Variants in TMC6 observed in about 807,000 individuals in gnomAD.
The protein encoded by TMC6 is transmembrane channel-like protein 6.
Under a neutral mutation model 95.4 loss-of-function variants are expected in TMC6, and 71 were observed. The observed-to-expected ratio is 0.74, with a 90% confidence interval of 0.61 to 0.91. The LOEUF (loss-of-function observed/expected upper bound fraction) is 0.91. TMC6 is among the 40% of genes least tolerant of loss of function. The pLI is 0.00. For missense variants in TMC6, 1,074 were observed against 1,079.1 expected, an observed-to-expected ratio of 1.00 and a Z score of 0.07; for synonymous variants, 514 against 483.1, an observed-to-expected ratio of 1.06 and a Z score of -0.84.
chr17:78,118,053 C>T lies in TMC6; in HGVS notation c.1888-118G>A, dbSNP rs932436434. 15 of 1,488,368 alleles carry T rather than the reference C, an allele frequency of 1.0e-5. No homozygotes were observed. In the South Asian group the frequency reaches 1.2e-4, roughly 12 times the overall value. 92.2% of individuals were successfully genotyped at this position (1,488,368 alleles called of 1,614,324 possible). ...CTGTGCGTCCAGGCAGAGCCTGGAC[C>T]CTGCTCCCTGCAGCCTCCTCATTTA... On this transcript the variant is annotated intron_variant, in intron 15 of 19. Transcript: ENST00000590602.
Position 78,111,469 on chromosome 17 carries a change from G to A in TMC6, c.*1679C>T, listed in dbSNP as rs2073823511. On this transcript the variant is annotated 3_prime_UTR_variant, in exon 20 of 20. Coordinates refer to ENST00000590602, the MANE Select transcript of TMC6 (RefSeq NM_001127198.5). ...CACAGATAGGGGCTGGAAACCCTAC[G>A]TCGGTCCCTGTGGACTGTCACGTCA... is the stretch of plus-strand genomic sequence containing the variant. 1.3e-5 allele frequency: 2 copies of A among 152,488 alleles called. No homozygotes were observed. The highest frequency in any genetic ancestry group is 6.5e-5 in the Admixed American group (1 of 15,310). 9.4% of individuals were successfully genotyped at this position (152,488 alleles called of 1,614,324 possible). A position where few individuals can be genotyped will look rare whatever the true frequency, so the allele number is the denominator to read the frequency against.
At chr17:78,127,529 G>A (rs1001259870) in intron 1 of TMC6, among the ~76,000 whole-genome samples, 1 of 152,192 alleles carries the variant, frequency 6.6e-6, no homozygotes, top group African/African-American at 2.4e-5. Context: ...GGGTGGCCAG[G>A]ACCTCAACAG....
intron 4 of TMC6, 61 bp downstream of exon 4, chr17:78,126,216 C>G (rs1430503487): frequency 6.5e-7 from 1 of 1,530,462 alleles, no homozygotes; most frequent in African/African-American, 1.4e-5. Flanking sequence ...CCCAGCCCAG[C>G]CCCAGGGACT....
In TMC6 at chr17:78,121,105, G is replaced by A. The variant is rs753893921; in HGVS notation, c.1443C>T (p.Leu481=). The part of the protein sequence containing the change: ...VLLVLPLVVG[L]LNLGAPYLCR... ...ACAGGTAGGGGGCCCCCAGGTTGAGGAGGCCAACCACCAGGGGCAGGACCA... is the reference window on the plus strand; with the variant it reads ...ACAGGTAGGGGGCCCCCAGGTTGAGAAGGCCAACCACCAGGGGCAGGACCA... The change falls in exon 12 of 20, where the codon CTC becomes CTT. Residue 481 remains leucine (L), a synonymous_variant. Coordinates refer to ENST00000590602, the MANE Select transcript of TMC6 (RefSeq NM_001127198.5). This position sits in a 1 kb window ranked among gnomAD's most constrained non-coding sequence, Gnocchi z 5.6. 61 of 1,612,072 alleles carry A rather than the reference G, an allele frequency of 3.8e-5. No individual in the cohort carries two copies. Among genetic ancestry groups the A allele is most frequent in the South Asian group, 2.6e-4 (24 of 91,014 alleles).
rs1236303263 is a variant in TMC6, at chr17:78,126,778, C to T, written c.55G>A (p.Gly19Ser). The T allele has an allele frequency of 3.1e-6, 5 of 1,613,158 alleles. No homozygotes were observed. In the Admixed American group the frequency reaches 8.3e-5, roughly 27 times the overall value. The change falls in exon 2 of 20, where the codon GGC (glycine) becomes AGC (serine). Residue 19 changes from glycine to serine, a missense_variant and splice_region_variant. Transcript: ENST00000590602. ...AGCCCCCAGCCCCAGAGCGCTTACC[C>T]CTGGTCCCCTGGGGTCTCAGGGACA... ...LDVPETPGDQ[G>S]QGPSPYDESE...
chr17:78,113,286 G>A (rs1209636973), intron 19 of TMC6, 75 bp from the exon 20 acceptor site: 1 of 1,479,652 alleles, frequency 6.8e-7, no homozygotes, highest in Non-Finnish European at 9.1e-7. Flanking sequence ...CGCAGCCAAG[G>A]CCCGGCGAGG....
chr17:78,131,649 C>G (rs1414606577), upstream of TMC6: 1 of 1,561,398 alleles, frequency 6.4e-7, no homozygotes, highest in African/African-American at 1.4e-5. Context: ...GCCGGAGGAG[C>G]TGTGGGAGGC....
rs747391950 is a variant in TMC6, at chr17:78,121,669, C to A, written c.1270G>T (p.Val424Leu). The A allele has an allele frequency of 6.3e-7, 1 of 1,599,474 alleles. No homozygotes were observed. Among genetic ancestry groups the A allele is most frequent in the Non-Finnish European group, 8.5e-7 (1 of 1,175,214 alleles). The part of the protein sequence containing the change: ...EWQLRHSPRS[V>L]CGRLRQAAVL... ...GCCGCCTGCCGCAGCCTCCCGCACA[C>A]GCTCCTGGGGCTGTGCCGCAGCTGC... The change falls in exon 11 of 20, where the codon GTG becomes TTG. Residue 424 changes from valine to leucine, a missense_variant. Physicochemically the swap from Val to Leu is conservative, Grantham distance 32. Coordinates refer to ENST00000590602, the MANE Select transcript of TMC6 (RefSeq NM_001127198.5). The surrounding 1 kb of genome is among the most constrained non-coding windows in gnomAD (Gnocchi z 5.6).
rs200579060 is a variant in TMC6, at chr17:78,125,791, C to T, written c.365G>A (p.Arg122His). 2.0e-5 allele frequency: 32 copies of T among 1,561,578 alleles called. No individual in the cohort carries two copies. The Middle Eastern group carries it at 6.7e-4, about 33-fold the overall frequency. Residue 122 changes from arginine (R) to histidine (H), a missense_variant, in exon 5 of 20, where the codon CGC becomes CAC. By Grantham distance (29) the Arg-to-His change is conservative. Coordinates refer to ENST00000590602, the MANE Select transcript of TMC6 (RefSeq NM_001127198.5). ...CAGGCGGAGGCTGGGCCAGGCGGAG[C>T]GGACAAAGTTCCCGAGCAGGGGCCG... ...SSRPLLGNFV[R>H]SAWPSLRLYD...
intron 8 of TMC6, 59 bp from the exon 9 acceptor site, chr17:78,124,238 G>A: frequency 6.3e-7 from 1 of 1,597,752 alleles, no homozygotes; most frequent in Non-Finnish European, 8.5e-7. Flanking sequence ...CCGACCCTCA[G>A]GCCTGACAGC....
intron 14 of TMC6, 51 bp from the exon 15 acceptor site, chr17:78,119,097 G>T: frequency 6.5e-7 from 1 of 1,543,774 alleles, no homozygotes; most frequent in Non-Finnish European, 8.8e-7. Flanking sequence ...TCCCCTCCCC[G>T]AGATCAGGCT....
intron 18 of TMC6, among the ~76,000 whole-genome samples, chr17:78,116,919 C>A (rs1166682437): frequency 6.6e-6 from 1 of 152,208 alleles, no homozygotes; most frequent in Admixed American, 6.5e-5. Context: ...CAACCTTAAT[C>A]CACCTGTTTG....
At chr17:78,115,744 G>A (rs113648751) in intron 18 of TMC6, among the ~76,000 whole-genome samples, 109 of 362 alleles carry the variant, frequency 0.3, 4 homozygotes, top group South Asian at 0.42. Context: ...TGGGCACAGG[G>A]GCGAAGGGAG....
intron 13 of TMC6, 42 bp downstream of exon 13, chr17:78,120,611 G>A (rs767765175): frequency 5.0e-6 from 8 of 1,613,564 alleles, no homozygotes; most frequent in South Asian, 1.1e-5. Context: ...CGGCCACTAA[G>A]GGGAGAACAC....
rs1403769560 is a variant in TMC6 at position 78,126,977 on chromosome 17, G to A, written c.-74-71C>T. The A allele has an allele frequency of 9.4e-6, 9 of 952,462 alleles. No homozygotes were observed. In the Admixed American group the frequency reaches 1.8e-4, roughly 19 times the overall value. The allele number at this position is 952,462 out of a possible 1,614,324, so 59.0% of individuals were successfully genotyped here. A position where few individuals can be genotyped will look rare whatever the true frequency, so the allele number is the denominator to read the frequency against. ...GCAGCTGTCCACACCACCCATTCCT[G>A]GGGGAACCACAGGAGGTGCCACTCA... On this transcript the variant is annotated intron_variant, in intron 1 of 19. Transcript: ENST00000590602.
intron 19 of TMC6, 143 bp downstream of exon 19, chr17:78,113,405 G>T: frequency 8.2e-7 from 1 of 1,223,446 alleles, no homozygotes; most frequent in Non-Finnish European, 1.2e-6. Flanking sequence ...GAAGGTGGGC[G>T]CCGGGGGGGA....
Position 78,119,321 on chromosome 17 carries a change from A to G in TMC6, c.1787T>C (p.Leu596Pro), listed in dbSNP as rs1251551559. ...EFDIARNVLELIYGQTLTWLG... is the reference protein window; with the variant it reads ...EFDIARNVLEPIYGQTLTWLG... ...CCAGGTCAGAGTCTGCCCATAAATC[A>G]GCTCCAGGACATTCCGGGCAATGTC... The change falls in exon 14 of 20, where the codon CTG (leucine) becomes CCG (proline). Residue 596 changes from leucine to proline, a missense_variant. Physicochemically the swap from Leu to Pro is moderately conservative, Grantham distance 98 (BLOSUM62 -3). Transcript: ENST00000590602. 12 of 1,613,908 alleles carry G rather than the reference A, an allele frequency of 7.4e-6. No individual in the cohort carries two copies. Among genetic ancestry groups the G allele is most frequent in the Non-Finnish European group, 1.0e-5 (12 of 1,180,014 alleles).
intron 18 of TMC6, among the ~76,000 whole-genome samples, chr17:78,116,736 G>C (rs2074137188): frequency 6.6e-6 from 1 of 152,136 alleles, no homozygotes; most frequent in Non-Finnish European, 1.5e-5. Context: ...CAAAAAAGTA[G>C]CCGGAGTGGC....
At position 78,124,113 on chromosome 17, in the gene TMC6, C is replaced by T. The variant is rs2074572475; in HGVS notation, c.958G>A (p.Gly320Ser). The change falls in exon 9 of 20, where the codon GGC becomes AGC. Residue 320 changes from glycine (G) to serine (S), a missense_variant. Coordinates refer to ENST00000590602, the MANE Select transcript of TMC6 (RefSeq NM_001127198.5). ...YSNATLNQPC[G>S]SPLDGSQCTP... is the part of the protein sequence containing the mutation. ...CACTGGCTGCCATCCAGGGGGCTGCCACACGGCTGGTTCAGCGTGGCGTTA... is the reference window on the plus strand; with the variant it reads ...CACTGGCTGCCATCCAGGGGGCTGCTACACGGCTGGTTCAGCGTGGCGTTA... The T allele has an allele frequency of 6.2e-7, 1 of 1,613,094 alleles. No homozygotes were observed. The highest frequency in any genetic ancestry group is 1.1e-5 in the South Asian group (1 of 91,074).
Sources: allele counts gnomAD v4.1 joint callset (sites outside exome capture counted in the v4.1 genomes callset), GRCh38; gene constraint gnomAD v4.1.1; non-coding constraint Gnocchi (gnomAD v3.1); transcripts MANE v1.5; gene names NCBI Gene and HGNC (gene_info 2026-07-23, HGNC 2026-07-21).